The following SLC24A3 variants were observed in gnomAD, a reference collection of about 807,000 sequenced individuals.
SLC24A3 encodes sodium/potassium/calcium exchanger 3.
SLC24A3 carries 28 observed loss-of-function variants against 75.8 expected under a neutral mutation model. The ratio of observed to expected loss-of-function variants is 0.37; its 90% CI spans 0.27 to 0.51. The LOEUF is 0.51. SLC24A3 is among the 20% of genes least tolerant of loss of function. The pLI, the probability that SLC24A3 is intolerant of heterozygous loss-of-function variation, is 0.94. For synonymous variants in SLC24A3, 372 were observed against 334.1 expected (o/e 1.11, Z -1.24); for missense variants, 663 against 847.8 (o/e 0.78, Z 2.71).
chr20:19,470,457 A>G (rs952217990), intron 2 of SLC24A3, among the ~76,000 whole-genome samples: 2 of 152,146 alleles, frequency 1.3e-5, no homozygotes, highest in Admixed American at 1.3e-4. Context: ...TCTCTCTCCC[A>G]AGTATGGTTT....
chr20:19,376,706 C>A (rs932575260), intron 2 of SLC24A3, among the ~76,000 whole-genome samples: 1 of 151,880 alleles, frequency 6.6e-6, no homozygotes, highest in Admixed American at 6.6e-5. Flanking sequence ...CTGCTGTGAG[C>A]TGACTCCATT....
chr20:19,306,330 A>G (rs770586254), intron 2 of SLC24A3, among the ~76,000 whole-genome samples: 5 of 152,232 alleles, frequency 3.3e-5, no homozygotes, highest in Non-Finnish European at 7.3e-5. Context: ...TTCTCAAAGA[A>G]CTTAATACAG....
intron 2 of SLC24A3, 37 bp downstream of exon 2, chr20:19,281,124 T>C (rs764120967): frequency 1.2e-6 from 2 of 1,611,472 alleles, no homozygotes; most frequent in South Asian, 2.2e-5. Context: ...GCAGCTGTCA[T>C]TTTCTCTGGC....
intron 3 of SLC24A3, among the ~76,000 whole-genome samples, chr20:19,552,904 T>C (rs62200453): frequency 0.012 from 1,858 of 152,142 alleles, 16 homozygotes; most frequent in Middle Eastern, 0.02. Context: ...GGGGCCACGA[T>C]CTGTAAACCA....
chr20:19,341,114 A>C (rs935683937), intron 2 of SLC24A3, among the ~76,000 whole-genome samples: 3 of 152,350 alleles, frequency 2.0e-5, no homozygotes, highest in East Asian at 1.9e-4. Flanking sequence ...AACCATCCCC[A>C]GAGGGGCTGA....
chr20:19,232,304 ATTTTATGAATAT>A (rs1192630854), intron 1 of SLC24A3, among the ~76,000 whole-genome samples: 1 of 152,134 alleles, frequency 6.6e-6, no homozygotes, highest in African/African-American at 2.4e-5. Flanking sequence ...AGCTCTCTTT[ATTTTATGAATAT>A]TTTTATGAAT....
At chr20:19,694,965 T>C (rs1320395073) in intron 13 of SLC24A3, 1 of 152,244 alleles carries the variant, frequency 6.6e-6, no homozygotes, top group Non-Finnish European at 1.5e-5. Context: ...GCCAGGACGC[T>C]GGTAGCTCCA....
At chr20:19,676,015 G>A (rs957036994) in intron 9 of SLC24A3, among the ~76,000 whole-genome samples, 4 of 152,142 alleles carry the variant, frequency 2.6e-5, no homozygotes, top group East Asian at 1.9e-4. Flanking sequence ...TGGAAGAATC[G>A]CCACACAGTG....
chr20:19,461,569 G>A (rs1987676708), intron 2 of SLC24A3, among the ~76,000 whole-genome samples: 1 of 119,162 alleles, frequency 8.4e-6, no homozygotes, highest in South Asian at 2.5e-4. Context: ...GTCTTGCTCT[G>A]TCGCCCAGGC....
chr20:19,660,501 G>A (rs2032315031), intron 7 of SLC24A3, among the ~76,000 whole-genome samples: 1 of 152,136 alleles, frequency 6.6e-6, no homozygotes, highest in Non-Finnish European at 1.5e-5. Flanking sequence ...GTATTCCATG[G>A]TGTATATAAA....
intron 3 of SLC24A3, among the ~76,000 whole-genome samples, chr20:19,562,509 A>G (rs985573315): frequency 6.6e-6 from 1 of 152,198 alleles, no homozygotes; most frequent in African/African-American, 2.4e-5. Context: ...CTAATTGTCT[A>G]ACAAGAGAGG....
intron 2 of SLC24A3, among the ~76,000 whole-genome samples, chr20:19,339,408 C>G (rs1247345990): frequency 2.0e-5 from 3 of 152,078 alleles, no homozygotes; most frequent in Non-Finnish European, 4.4e-5. Context: ...ATCACTCAGT[C>G]TATATAACCA....
At chr20:19,392,792 A>G (rs2122391191) in intron 2 of SLC24A3, among the ~76,000 whole-genome samples, 1 of 152,290 alleles carries the variant, frequency 6.6e-6, no homozygotes, top group Admixed American at 6.5e-5. Context: ...GACAAATGTG[A>G]GTATGACATG....
chr20:19,565,305 T>C (rs1488399708), intron 3 of SLC24A3, among the ~76,000 whole-genome samples: 2 of 152,310 alleles, frequency 1.3e-5, no homozygotes, highest in East Asian at 1.9e-4. Flanking sequence ...TTGCTACGAA[T>C]GTTTCACCCC....
intron 3 of SLC24A3, among the ~76,000 whole-genome samples, chr20:19,557,219 A>G (rs1029340206): frequency 6.6e-6 from 1 of 152,124 alleles, no homozygotes; most frequent in Non-Finnish European, 1.5e-5. Flanking sequence ...CCACCTACAA[A>G]CACTTGTGAA....
intron 6 of SLC24A3, among the ~76,000 whole-genome samples, chr20:19,632,403 C>T (rs777662502): frequency 6.6e-6 from 1 of 152,122 alleles, no homozygotes; most frequent in Admixed American, 6.5e-5. Flanking sequence ...CAGCTTCTAG[C>T]GGCCACCTAC....
In SLC24A3 at chr20:19,618,683, G is replaced by A. The variant is rs569735378; in HGVS notation, c.612+33139G>A. ...CTCTTGTGCCTCTGTTACCACATACGAAAAATGGGCACAGTGATAGTGCTT... is the reference window on the plus strand; with the variant it reads ...CTCTTGTGCCTCTGTTACCACATACAAAAAATGGGCACAGTGATAGTGCTT... On this transcript the variant is annotated intron_variant, in intron 6 of 16. Transcript: ENST00000328041. Among the ~76,000 whole-genome samples, 11 of 152,214 alleles carry A rather than the reference G, an allele frequency of 7.2e-5. No individual in the cohort carries two copies. In the South Asian group the frequency reaches 1.0e-3, roughly 14 times the overall value.
At chr20:19,306,561 G>A (rs138279372) in intron 2 of SLC24A3, among the ~76,000 whole-genome samples, 21 of 152,286 alleles carry the variant, frequency 1.4e-4, no homozygotes, top group Admixed American at 5.2e-4. Context: ...CAATATGAAT[G>A]GAGCTGAAGG....
chr20:19,265,429 A>G (rs1983135752), intron 1 of SLC24A3, among the ~76,000 whole-genome samples: 1 of 152,246 alleles, frequency 6.6e-6, no homozygotes, highest in Admixed American at 6.5e-5. Flanking sequence ...ACAGCAGTGC[A>G]CTACGATGGA....
Sources: gnomAD v4.1 joint callset for allele counts (sites outside exome capture counted in the v4.1 genomes callset) on GRCh38, gnomAD v4.1.1 for gene constraint, MANE v1.5 for transcripts, NCBI Gene and HGNC (gene_info 2026-07-23, HGNC 2026-07-21) for gene names.